EXOC4: variants seen among roughly 807,000 people sequenced by gnomAD.
The protein encoded by EXOC4 is SEC8-like 1.
A neutral mutation model predicts 107.2 loss-of-function variants in EXOC4; 71 were observed. That is an observed-to-expected ratio of 0.66 (90% CI 0.55 to 0.81). The LOEUF is 0.81. Ranked by LOEUF, EXOC4 falls within the 30% of genes least tolerant of loss-of-function variation. The pLI is 0.00. For synonymous variants in EXOC4, 456 were observed against 441.2 expected (o/e 1.03, Z -0.42); for missense variants, 1,108 against 1,189.6 (o/e 0.93, Z 1.01).
At chr7:133,605,719 C>T (rs1341508234) in intron 9 of EXOC4, among the ~76,000 whole-genome samples, 3 of 152,078 alleles carry the variant, frequency 2.0e-5, no homozygotes, top group Non-Finnish European at 4.4e-5. Context: ...TAGTTGAAAA[C>T]CGAAGTCTGG....
chr7:133,821,150 G>A (rs893443962), intron 11 of EXOC4, among the ~76,000 whole-genome samples: 1 of 152,210 alleles, frequency 6.6e-6, no homozygotes, highest in Non-Finnish European at 1.5e-5. Flanking sequence ...AGTAATGATA[G>A]CAGCTAACAC....
chr7:133,462,090 A>G (rs1002292425), intron 7 of EXOC4, among the ~76,000 whole-genome samples: 3 of 152,226 alleles, frequency 2.0e-5, no homozygotes, highest in African/African-American at 7.2e-5. Context: ...GAACAAATAT[A>G]TTTGTAAATA....
intron 11 of EXOC4, among the ~76,000 whole-genome samples, chr7:133,857,022 G>A (rs936887997): frequency 2.0e-4 from 29 of 146,030 alleles, no homozygotes; most frequent in Admixed American, 2.0e-3. Flanking sequence ...GCTCGAACCC[G>A]GGAGGCAGAG....
chr7:133,725,762 A>G (rs112846430), intron 10 of EXOC4, among the ~76,000 whole-genome samples: 129 of 152,290 alleles, frequency 8.5e-4, no homozygotes, highest in African/African-American at 2.9e-3. Flanking sequence ...TTGTGTTTCA[A>G]TGAAAGTTTA....
At chr7:133,260,015 C>T (rs1795107299) in intron 1 of EXOC4, among the ~76,000 whole-genome samples, 1 of 147,778 alleles carries the variant, frequency 6.8e-6, no homozygotes, top group South Asian at 2.2e-4. Flanking sequence ...AATGATCCTT[C>T]TCTACCAGTT....
intron 7 of EXOC4, among the ~76,000 whole-genome samples, chr7:133,448,845 C>G (rs1798277843): frequency 1.3e-5 from 2 of 152,174 alleles, no homozygotes. Flanking sequence ...TGGCTCACAC[C>G]TGTAATCCCA....
rs1387385768 is a variant in EXOC4, at chr7:133,641,455, T to C, written c.1514+11314T>C. On this transcript the variant is annotated intron_variant, in intron 10 of 17. Transcript: ENST00000253861. ...ACATATATATATAGATACACACACATACATATACGTACATACAAACACACA... is the reference window on the plus strand; with the variant it reads ...ACATATATATATAGATACACACACACACATATACGTACATACAAACACACA... 2.0e-5 allele frequency among the ~76,000 whole-genome samples: 3 copies of C among 152,244 alleles called. No homozygotes were observed. In the East Asian group the frequency reaches 5.8e-4, roughly 29 times the overall value.
At chr7:134,094,949 T>C in the EXOC4 span, among the ~76,000 whole-genome samples, 2 of 151,922 alleles carry the variant, frequency 1.3e-5, no homozygotes, top group Non-Finnish European at 2.9e-5. Context: ...GTACTAGAAG[T>C]CCAAGCCACA....
chr7:133,728,816 TC>T (rs1795268492), intron 10 of EXOC4, among the ~76,000 whole-genome samples: 1 of 152,150 alleles, frequency 6.6e-6, no homozygotes, highest in African/African-American at 2.4e-5. Flanking sequence ...CATCCCTTCA[TC>T]TTGAATTTTG....
intron 17 of EXOC4, among the ~76,000 whole-genome samples, chr7:134,019,232 G>A (rs117898263): frequency 6.6e-6 from 1 of 152,140 alleles, no homozygotes; most frequent in Admixed American, 6.6e-5. Context: ...GCCCAGCCAC[G>A]ATGTATGTTT....
At chr7:133,417,545 A>C (rs1409922876) in intron 7 of EXOC4, among the ~76,000 whole-genome samples, 1 of 152,206 alleles carries the variant, frequency 6.6e-6, no homozygotes, top group Admixed American at 6.5e-5. Context: ...GAATACATGT[A>C]GTGACTATAA....
intron 6 of EXOC4, 95 bp from the exon 7 acceptor site, chr7:133,374,733 G>A: frequency 1.0e-6 from 1 of 954,896 alleles, no homozygotes; most frequent in Non-Finnish European, 1.6e-6. Flanking sequence ...ATTGTAGAAT[G>A]CTACTTTAGT....
rs181488633 is a variant in EXOC4 at position 133,708,261 on chromosome 7, G to A, written c.1514+78120G>A. On this transcript the variant is annotated intron_variant, in intron 10 of 17. Transcript: ENST00000253861. Reference sequence around the variant, plus strand: ...AACTAAAATAAATGAAGAATTTGAGGCATTTATTATCATAATCTCTTGTTG... The same window carrying A: ...AACTAAAATAAATGAAGAATTTGAGACATTTATTATCATAATCTCTTGTTG... 2.2e-3 allele frequency among the ~76,000 whole-genome samples: 329 copies of A among 152,238 alleles called. 2 individuals are homozygous for A. Among genetic ancestry groups the A allele is most frequent in the African/African-American group, 7.2e-3 (301 of 41,520 alleles).
intron 9 of EXOC4, among the ~76,000 whole-genome samples, chr7:133,626,595 C>T (rs186019815): frequency 6.3e-4 from 96 of 152,106 alleles, no homozygotes; most frequent in African/African-American, 2.2e-3. Context: ...TATTTCTGCC[C>T]GAACTTTACT....
chr7:133,511,017 T>C (rs963737966), intron 9 of EXOC4, among the ~76,000 whole-genome samples: 4 of 152,138 alleles, frequency 2.6e-5, no homozygotes, highest in Non-Finnish European at 5.9e-5. Context: ...ATTTTTTTTT[T>C]CTCTTTTCTT....
intron 9 of EXOC4, among the ~76,000 whole-genome samples, chr7:133,519,522 T>C (rs1469311779): frequency 1.3e-5 from 2 of 152,052 alleles, no homozygotes; most frequent in Non-Finnish European, 2.9e-5. Context: ...ATTTAAACAC[T>C]ACAGCCTCAA....
intron 1 of EXOC4, among the ~76,000 whole-genome samples, chr7:133,265,591 G>T (rs1267223663): frequency 6.6e-6 from 1 of 152,154 alleles, no homozygotes; most frequent in Non-Finnish European, 1.5e-5. Flanking sequence ...ATTGTGCTCT[G>T]TAGAGCTGTT....
chr7:133,353,182 A>G (rs937388755), intron 5 of EXOC4, among the ~76,000 whole-genome samples: 1 of 152,114 alleles, frequency 6.6e-6, no homozygotes, highest in Non-Finnish European at 1.5e-5. Context: ...TTGTTGTAAC[A>G]CTACTAATTT....
At chr7:133,579,772 C>T (rs768538686) in intron 9 of EXOC4, among the ~76,000 whole-genome samples, 13 of 151,914 alleles carry the variant, frequency 8.6e-5, no homozygotes, top group Non-Finnish European at 1.3e-4. Flanking sequence ...CTGCAACCTC[C>T]GCCTCCCGGG....
Sources: gnomAD v4.1 joint callset for allele counts (sites outside exome capture counted in the v4.1 genomes callset) on GRCh38, gnomAD v4.1.1 for gene constraint, MANE v1.5 for transcripts, NCBI Gene and HGNC (gene_info 2026-07-23, HGNC 2026-07-21) for gene names.